The following TLN2 variants were observed in gnomAD, a reference collection of about 807,000 sequenced individuals.
The protein encoded by TLN2 is talin-2.
In TLN2, 118 loss-of-function variants were observed where a neutral mutation model predicts 294.7. That is an observed-to-expected ratio of 0.40 (90% CI 0.34 to 0.47). The LOEUF is 0.47. Ranked by LOEUF, TLN2 falls within the 20% of genes least tolerant of loss-of-function variation. TLN2 has a pLI of 0.84. For missense variants in TLN2, 3,083 were observed against 3,282.2 expected, an observed-to-expected ratio of 0.94 and a Z score of 1.48; for synonymous variants, 1,431 against 1,304.5, an observed-to-expected ratio of 1.10 and a Z score of -2.09.
chr15:62,424,537 G>A (rs2034592421), intron 1 of TLN2, among the ~76,000 whole-genome samples: 1 of 152,218 alleles, frequency 6.6e-6, no homozygotes, highest in Admixed American at 6.5e-5. Flanking sequence ...CAAGCGTCTT[G>A]CTGCTGACTG....
chr15:62,730,685 G>T (rs932739503), intron 28 of TLN2, among the ~76,000 whole-genome samples: 1 of 152,122 alleles, frequency 6.6e-6, no homozygotes, highest in Admixed American at 6.5e-5. Flanking sequence ...CATTGTTGCT[G>T]GCTTCCTTTA....
intron 2 of TLN2, among the ~76,000 whole-genome samples, chr15:62,615,821 A>G (rs2048269243): frequency 6.6e-6 from 1 of 152,218 alleles, no homozygotes; most frequent in East Asian, 1.9e-4. Context: ...ACTGCCAAAA[A>G]TATGGTGCCT....
chr15:62,679,416 G>A (rs2056586800), intron 11 of TLN2, among the ~76,000 whole-genome samples: 1 of 145,146 alleles, frequency 6.9e-6, no homozygotes, highest in Admixed American at 7.2e-5. Context: ...TCCTTACAAT[G>A]CAATATCATT....
intron 55 of TLN2, chr15:62,834,199 A>C (rs887993677): frequency 6.6e-6 from 1 of 152,114 alleles, no homozygotes; most frequent in African/African-American, 2.4e-5. Context: ...TTGAGGATTC[A>C]AAGGATTATT....
At chr15:62,540,577 TGAA>T (rs2041623134) in intron 1 of TLN2, among the ~76,000 whole-genome samples, 1 of 152,006 alleles carries the variant, frequency 6.6e-6, no homozygotes, top group South Asian at 2.1e-4. Flanking sequence ...TGGGTGGTGG[TGAA>T]GAAGGCAGGA....
At chr15:62,555,746 T>C (rs959828099) in intron 1 of TLN2, among the ~76,000 whole-genome samples, 2 of 152,168 alleles carry the variant, frequency 1.3e-5, no homozygotes, top group Non-Finnish European at 2.9e-5. Flanking sequence ...GTTTGCTCTT[T>C]TTGTGCCAGT....
intron 37 of TLN2, among the ~76,000 whole-genome samples, chr15:62,757,474 C>T (rs1263179212): frequency 6.6e-6 from 1 of 152,172 alleles, no homozygotes; most frequent in East Asian, 1.9e-4. Context: ...TTTAGATGGA[C>T]CAACGGAGTA....
chr15:62,794,898 CGTT>C (rs1388307445), intron 46 of TLN2, among the ~76,000 whole-genome samples: 1 of 152,164 alleles, frequency 6.6e-6, no homozygotes, highest in Non-Finnish European at 1.5e-5. Context: ...ACCTACGAAA[CGTT>C]GTCAGATTCT....
intron 1 of TLN2, among the ~76,000 whole-genome samples, chr15:62,507,074 G>C (rs76548942): frequency 6.6e-6 from 1 of 152,258 alleles, no homozygotes; most frequent in African/African-American, 2.4e-5. Context: ...ATAATTTTAA[G>C]ATTATTTAAT....
At chr15:62,667,750 G>A (rs982329709) in intron 9 of TLN2, among the ~76,000 whole-genome samples, 8 of 152,056 alleles carry the variant, frequency 5.3e-5, no homozygotes, top group Non-Finnish European at 8.8e-5. Context: ...TGTAACTTAC[G>A]GTCAGACTAG....
chr15:62,421,179 C>A (rs1254046855), intron 1 of TLN2, among the ~76,000 whole-genome samples: 3 of 152,102 alleles, frequency 2.0e-5, no homozygotes, highest in Non-Finnish European at 2.9e-5. Context: ...TGTTACCGGT[C>A]CACGAGAAAT....
intron 1 of TLN2, among the ~76,000 whole-genome samples, chr15:62,406,671 A>T (rs543444534): frequency 3.3e-5 from 5 of 152,328 alleles, no homozygotes; most frequent in Non-Finnish European, 7.3e-5. Flanking sequence ...TTGCCATGGC[A>T]ATGGTAAATT....
intron 4 of TLN2, among the ~76,000 whole-genome samples, chr15:62,649,180 A>G (rs1476735646): frequency 1.3e-5 from 2 of 152,268 alleles, no homozygotes; most frequent in East Asian, 1.9e-4. Context: ...TAGTGTTTCT[A>G]GATTACTCAG....
In TLN2 at chr15:62,390,576, G is replaced by C. The variant is rs1459794647; in HGVS notation, c.-347G>C. On this transcript the variant is annotated 5_prime_UTR_variant, in exon 1 of 59. Coordinates refer to ENST00000636159, the MANE Select transcript of TLN2 (RefSeq NM_015059.3). ...TTCCGCGCCCGGAGCCAGCGGCGGCGGCAGCGGCTGAGGCGGCTGCGGGAG... is the reference window on the plus strand; with the variant it reads ...TTCCGCGCCCGGAGCCAGCGGCGGCCGCAGCGGCTGAGGCGGCTGCGGGAG... 1.3e-5 allele frequency: 2 copies of C among 152,208 alleles called. No individual in the cohort carries two copies. Among genetic ancestry groups the C allele is most frequent in the Non-Finnish European group, 2.9e-5 (2 of 68,074 alleles). 9.4% of individuals were successfully genotyped at this position (152,208 alleles called of 1,614,324 possible). A position where few individuals can be genotyped will look rare whatever the true frequency, so the allele number is the denominator to read the frequency against.
chr15:62,664,715 G>T (rs2054327890), intron 9 of TLN2, among the ~76,000 whole-genome samples: 1 of 151,596 alleles, frequency 6.6e-6, no homozygotes, highest in East Asian at 1.9e-4. Context: ...AAAATTAGCT[G>T]GGCGTGATGG....
chr15:62,649,465 C>A (rs2052331539), intron 4 of TLN2, among the ~76,000 whole-genome samples: 1 of 152,138 alleles, frequency 6.6e-6, no homozygotes, highest in South Asian at 2.1e-4. Context: ...TCCTCTCCTG[C>A]CACCCCACCC....
chr15:62,688,182 T>C (rs762518516), intron 12 of TLN2, among the ~76,000 whole-genome samples: 4 of 152,196 alleles, frequency 2.6e-5, no homozygotes, highest in Non-Finnish European at 5.9e-5. Context: ...CCTCATTAAC[T>C]ACCTCAGGCA....
intron 1 of TLN2, among the ~76,000 whole-genome samples, chr15:62,423,721 C>T (rs1344230662): frequency 6.6e-6 from 1 of 152,036 alleles, no homozygotes; most frequent in Non-Finnish European, 1.5e-5. Context: ...GCTGGGATTA[C>T]AGATGCCCGC....
chr15:62,755,231 A>T (rs1318673467), intron 36 of TLN2: 2 of 287,096 alleles, frequency 7.0e-6, no homozygotes, highest in Non-Finnish European at 1.3e-5. Context: ...TATACCCTGG[A>T]CCTCCTATCT....
Sources: gnomAD v4.1 joint callset for allele counts (sites outside exome capture counted in the v4.1 genomes callset) on GRCh38, gnomAD v4.1.1 for gene constraint, MANE v1.5 for transcripts, NCBI Gene and HGNC (gene_info 2026-07-23, HGNC 2026-07-21) for gene names.